Variants in C9 observed in about 807,000 individuals in gnomAD.
The protein encoded by C9 is complement C9, also known as complement component C9.
C9 carries 63 observed loss-of-function variants against 65.4 expected under a neutral mutation model. That is an observed-to-expected ratio of 0.96 (90% CI 0.79 to 1.19). The LOEUF (loss-of-function observed/expected upper bound fraction) is 1.19, where lower values mean the gene tolerates loss of function less well. Ranked by LOEUF, C9 falls within the 50% of genes most tolerant of loss-of-function variation. C9 has a pLI of 0.00. For missense variants in C9, 744 were observed against 670.1 expected, an observed-to-expected ratio of 1.11 and a Z score of -1.22; for synonymous variants, 229 against 227.9, an observed-to-expected ratio of 1.00 and a Z score of -0.04.
At chr5:39,348,223 G>A (rs1474010636) in intron 1 of C9, among the ~76,000 whole-genome samples, 3 of 152,088 alleles carry the variant, frequency 2.0e-5, no homozygotes, top group African/African-American at 7.2e-5. Flanking sequence ...TACCATCAGA[G>A]CGAACAGGCA....
chr5:39,350,445 A>C (rs1287860194), intron 1 of C9, among the ~76,000 whole-genome samples: 1 of 152,222 alleles, frequency 6.6e-6, no homozygotes, highest in Non-Finnish European at 1.5e-5. Context: ...GTCTTAACTT[A>C]TTCCAGCATT....
At chr5:39,315,346 A>C (rs1241701191) in intron 6 of C9, among the ~76,000 whole-genome samples, 1 of 152,194 alleles carries the variant, frequency 6.6e-6, no homozygotes, top group Non-Finnish European at 1.5e-5. Context: ...AATCAGACCA[A>C]TTTTATGTGC....
At chr5:39,320,901 T>C (rs74598844) in intron 5 of C9, among the ~76,000 whole-genome samples, 4,484 of 152,130 alleles carry the variant, frequency 0.029, 203 homozygotes, top group African/African-American at 0.1. Flanking sequence ...AAAAATAAAC[T>C]GCCAATCAAG....
At chr5:39,355,784 C>A (rs1258423166) in intron 1 of C9, among the ~76,000 whole-genome samples, 3 of 152,164 alleles carry the variant, frequency 2.0e-5, no homozygotes, top group Admixed American at 2.0e-4. Context: ...GTTGTGTTGA[C>A]TCCTTCTGAG....
At chr5:39,343,214 T>G (rs1263666594) in intron 1 of C9, among the ~76,000 whole-genome samples, 1 of 152,164 alleles carries the variant, frequency 6.6e-6, no homozygotes, top group Admixed American at 6.5e-5. Flanking sequence ...GAGTGTGTGC[T>G]GAAGCAGGGC....
chr5:39,322,585 C>A lies in C9; in HGVS notation c.616-6556G>T, dbSNP rs376555982. On this transcript the variant is annotated intron_variant, in intron 5 of 10. Coordinates refer to ENST00000263408, the MANE Select transcript of C9 (RefSeq NM_001737.5). ...TTAAAAAAGAAACAAAATGAACAAACCTTTAGCTAGGCTAACTCAGGAAGA... is the reference window on the plus strand; with the variant it reads ...TTAAAAAAGAAACAAAATGAACAAAACTTTAGCTAGGCTAACTCAGGAAGA... Among the ~76,000 whole-genome samples the A allele has an allele frequency of 9.2e-5, 14 of 152,056 alleles. No individual in the cohort carries two copies. In the East Asian group the frequency reaches 1.4e-3, roughly 15 times the overall value.
At chr5:39,330,045 A>G (rs1458852670) in intron 5 of C9, among the ~76,000 whole-genome samples, 2 of 152,230 alleles carry the variant, frequency 1.3e-5, no homozygotes. Flanking sequence ...CCACTGCCCC[A>G]GTTGGCATCA....
At chr5:39,298,202 A>G (rs1336787502) in intron 9 of C9, among the ~76,000 whole-genome samples, 5 of 151,674 alleles carry the variant, frequency 3.3e-5, no homozygotes, top group African/African-American at 4.8e-5. Context: ...CAAAATACCT[A>G]TATTAGACAA....
intron 10 of C9, among the ~76,000 whole-genome samples, chr5:39,287,707 G>T (rs940794808): frequency 1.3e-5 from 2 of 152,004 alleles, no homozygotes; most frequent in African/African-American, 4.8e-5. Flanking sequence ...ATTATCCTAA[G>T]TGAAATAACC....
intron 1 of C9, among the ~76,000 whole-genome samples, chr5:39,359,873 C>T (rs1754482853): frequency 6.6e-6 from 1 of 152,224 alleles, no homozygotes; most frequent in South Asian, 2.1e-4. Flanking sequence ...CAATTCCTGA[C>T]ACAACGTCTG....
chr5:39,313,849 T>C (rs1753528569), intron 6 of C9, among the ~76,000 whole-genome samples: 1 of 152,168 alleles, frequency 6.6e-6, no homozygotes, highest in African/African-American at 2.4e-5. Flanking sequence ...GTCAATTGGA[T>C]GTCTAATAAA....
At chr5:39,347,040 T>C (rs1255561963) in intron 1 of C9, among the ~76,000 whole-genome samples, 3 of 152,096 alleles carry the variant, frequency 2.0e-5, no homozygotes, top group Non-Finnish European at 4.4e-5. Flanking sequence ...TAAGAGCTAT[T>C]TATGACAAAC....
intron 4 of C9, among the ~76,000 whole-genome samples, chr5:39,334,145 G>A (rs976442427): frequency 1.1e-4 from 17 of 150,312 alleles, no homozygotes; most frequent in African/African-American, 3.5e-4. Context: ...CTGCCCGGCC[G>A]CCATCCCACC....
intron 7 of C9, among the ~76,000 whole-genome samples, chr5:39,309,304 T>C (rs2111882569): frequency 6.6e-6 from 1 of 152,180 alleles, no homozygotes; most frequent in African/African-American, 2.4e-5. Context: ...GAATTTGTGA[T>C]TATTTGTTCT....
chr5:39,326,400 C>G (rs1753748577), intron 5 of C9, among the ~76,000 whole-genome samples: 1 of 152,152 alleles, frequency 6.6e-6, no homozygotes, highest in Admixed American at 6.5e-5. Flanking sequence ...CTATTACAGA[C>G]CCAGATTAGC....
chr5:39,320,549 C>A lies in C9; in HGVS notation c.616-4520G>T, dbSNP rs184161728. On this transcript the variant is annotated intron_variant, in intron 5 of 10. Transcript: ENST00000263408. ...GAACTATGGGGCACCATCAAGTGAA[C>A]CAGTATATGTATTATGGTGCCCCAG... is the stretch of plus-strand genomic sequence containing the variant. Among the ~76,000 whole-genome samples, 7 of 152,076 alleles carry A rather than the reference C, an allele frequency of 4.6e-5. No homozygotes were observed. The East Asian group carries it at 1.4e-3, about 29-fold the overall frequency.
At chr5:39,345,452 C>A (rs934193935) in intron 1 of C9, among the ~76,000 whole-genome samples, 1 of 152,182 alleles carries the variant, frequency 6.6e-6, no homozygotes, top group African/African-American at 2.4e-5. Context: ...GTAAAGGGAG[C>A]AATTCAACAA....
At chr5:39,329,897 T>C (rs1374498326) in intron 5 of C9, among the ~76,000 whole-genome samples, 1 of 152,172 alleles carries the variant, frequency 6.6e-6, no homozygotes, top group Non-Finnish European at 1.5e-5. Flanking sequence ...TCATGTAAGT[T>C]TGTGTTCTTT....
At position 39,286,215 on chromosome 5, in the gene C9, A is replaced by G. The variant is rs1219381077; in HGVS notation, c.1646-982T>C. On this transcript the variant is annotated intron_variant, in intron 10 of 10. Transcript: ENST00000263408. ...AATGATAGGACCTCCTAAGAAACAA[A>G]CTAACCCTAAGAATATGTTCATTAT... Among the ~76,000 whole-genome samples, 4 of 152,164 alleles carry G rather than the reference A, an allele frequency of 2.6e-5. No individual in the cohort carries two copies. In the East Asian group the frequency reaches 7.7e-4, roughly 29 times the overall value.
Sources: gnomAD v4.1 joint callset for allele counts (sites outside exome capture counted in the v4.1 genomes callset) on GRCh38, gnomAD v4.1.1 for gene constraint, MANE v1.5 for transcripts, NCBI Gene and HGNC (gene_info 2026-07-23, HGNC 2026-07-21) for gene names.